The following MALT1 variants were observed in gnomAD, a reference collection of about 807,000 sequenced individuals.
MALT1 encodes the protein mucosa-associated lymphoid tissue lymphoma translocation protein 1.
In MALT1, 36 loss-of-function variants were observed where a neutral mutation model predicts 85.5. The observed-to-expected ratio is 0.42, with a 90% CI of 0.32 to 0.56. MALT1 has a LOEUF of 0.56. MALT1 is among the 20% of genes least tolerant of loss of function. The pLI is 0.10. For missense variants in MALT1, 716 were observed against 981.6 expected (o/e 0.73, Z 3.62); for synonymous variants, 359 against 361.3 (o/e 0.99, Z 0.07).
At chr18:58,737,862 C>G (rs1244562821) in intron 13 of MALT1, among the ~76,000 whole-genome samples, 1 of 152,186 alleles carries the variant, frequency 6.6e-6, no homozygotes, top group Non-Finnish European at 1.5e-5. Flanking sequence ...GGATTACAGA[C>G]GTGAGCCACC....
intron 7 of MALT1, among the ~76,000 whole-genome samples, chr18:58,712,571 G>A (rs2054845154): frequency 6.6e-6 from 1 of 152,134 alleles, no homozygotes. Flanking sequence ...GAGGTTGGTT[G>A]ATAAGTACAG....
At chr18:58,687,003 C>T (rs2054414546) in intron 2 of MALT1, among the ~76,000 whole-genome samples, 1 of 152,150 alleles carries the variant, frequency 6.6e-6, no homozygotes, top group South Asian at 2.1e-4. Flanking sequence ...AATACCATTT[C>T]CATAATGCTA....
intron 16 of MALT1, among the ~76,000 whole-genome samples, chr18:58,747,067 A>G (rs1327205628): frequency 6.6e-6 from 1 of 152,200 alleles, no homozygotes; most frequent in Non-Finnish European, 1.5e-5. Flanking sequence ...CCCATCTCTA[A>G]TAATAGGGAA....
At position 58,696,337 on chromosome 18, in the gene MALT1, ATTTTTTTTT is replaced by A; in HGVS notation, c.377-11_377-3del. 7 of 990,740 alleles carry A rather than the reference ATTTTTTTTT, an allele frequency of 7.1e-6. No homozygotes were observed. Among genetic ancestry groups the A allele is most frequent in the Non-Finnish European group, 9.1e-6 (7 of 769,240 alleles). The allele number at this position is 990,740 out of a possible 1,614,324, so 61.4% of individuals were successfully genotyped here. The stretch of plus-strand genomic sequence containing the variant: ...AAGGAAAATCCCTCTTGTGACTTTA[ATTTTTTTTT>A]TTTTTTTTTTTTTTTTTAGGAATAA... On this transcript the variant is annotated intron_variant, in intron 2 of 16. Coordinates refer to ENST00000649217, the MANE Select transcript of MALT1 (RefSeq NM_006785.4).
chr18:58,693,005 G>A (rs762303447), intron 2 of MALT1, among the ~76,000 whole-genome samples: 3 of 152,134 alleles, frequency 2.0e-5, no homozygotes, highest in Non-Finnish European at 2.9e-5. Context: ...AGGAAGCTGC[G>A]GAAGAAAAGT....
chr18:58,707,616 C>T (rs957731527), intron 4 of MALT1, among the ~76,000 whole-genome samples: 3 of 151,950 alleles, frequency 2.0e-5, no homozygotes, highest in Non-Finnish European at 4.4e-5. Flanking sequence ...CTTTCTTCTT[C>T]GTAAGTCTCA....
At chr18:58,732,771 T>A (rs1353286854) in intron 10 of MALT1, among the ~76,000 whole-genome samples, 1 of 124,550 alleles carries the variant, frequency 8.0e-6, no homozygotes, top group African/African-American at 4.1e-5. Flanking sequence ...GCATTCTTTT[T>A]TATATATCAT....
intron 4 of MALT1, among the ~76,000 whole-genome samples, chr18:58,707,290 G>A (rs1239700116): frequency 6.6e-6 from 1 of 150,400 alleles, no homozygotes; most frequent in Non-Finnish European, 1.5e-5. Flanking sequence ...CCTTTAAGAT[G>A]TTTATCTTCG....
chr18:58,697,413 C>CA (rs1242441810), intron 3 of MALT1: 4 of 152,124 alleles, frequency 2.6e-5, no homozygotes, highest in Admixed American at 6.6e-5. Context: ...AAAAAGATTG[C>CA]ATGTAGCTTT....
intron 4 of MALT1, among the ~76,000 whole-genome samples, 183 bp from the exon 5 acceptor site, chr18:58,709,195 C>CA (rs2054797889): frequency 6.6e-6 from 1 of 152,144 alleles, no homozygotes; most frequent in Admixed American, 6.5e-5. Flanking sequence ...TTGTCCACAG[C>CA]ATTCTTTTGG....
At chr18:58,712,939 G>A (rs543639580) in intron 7 of MALT1, among the ~76,000 whole-genome samples, 2 of 152,158 alleles carry the variant, frequency 1.3e-5, no homozygotes, top group East Asian at 3.9e-4. Flanking sequence ...TCATTTAGGA[G>A]GTCAGAGGAG....
intron 13 of MALT1, among the ~76,000 whole-genome samples, chr18:58,738,013 G>A (rs2055249247): frequency 6.6e-6 from 1 of 152,190 alleles, no homozygotes; most frequent in Non-Finnish European, 1.5e-5. Context: ...ATTATTAGAA[G>A]TGTTGAACAT....
At chr18:58,682,966 C>G (rs1480412525) in intron 2 of MALT1, among the ~76,000 whole-genome samples, 1 of 152,164 alleles carries the variant, frequency 6.6e-6, no homozygotes, top group Non-Finnish European at 1.5e-5. Context: ...GTGGGAATAA[C>G]TAGCTGCTAA....
At chr18:58,689,223 C>T (rs905242643) in intron 2 of MALT1, among the ~76,000 whole-genome samples, 1 of 149,828 alleles carries the variant, frequency 6.7e-6, no homozygotes, top group Admixed American at 6.6e-5. Flanking sequence ...GCAAGAAAAC[C>T]TAGGTTTGCA....
intron 9 of MALT1, among the ~76,000 whole-genome samples, chr18:58,719,214 C>G (rs1270724433): frequency 7.9e-5 from 12 of 152,162 alleles, no homozygotes; most frequent in Admixed American, 3.3e-4. Flanking sequence ...CAACTGCAGT[C>G]AGATGAGGCT....
Position 58,748,273 on chromosome 18 carries a change from A to G in MALT1, c.*431A>G, listed in dbSNP as rs572072695. The G allele has an allele frequency of 4.4e-6, 1 of 226,134 alleles. No individual in the cohort carries two copies. The highest frequency in any genetic ancestry group is 2.2e-5 in the African/African-American group (1 of 44,556). 14.0% of individuals were successfully genotyped at this position (226,134 alleles called of 1,614,324 possible). On this transcript the variant is annotated 3_prime_UTR_variant, in exon 17 of 17. Coordinates refer to ENST00000649217, the MANE Select transcript of MALT1 (RefSeq NM_006785.4). The stretch of plus-strand genomic sequence containing the variant: ...AGGCATCTAAGTTAGAGCTGGCACC[A>G]GAACTGAGACCTCCAGAAATCTATT...
At chr18:58,723,001 T>C in intron 9 of MALT1, 47 bp from the exon 10 acceptor site, 1 of 1,399,598 alleles carries the variant, frequency 7.1e-7, no homozygotes, top group South Asian at 1.2e-5. Flanking sequence ...GGTTTTGTTT[T>C]AATCTTTATA....
At chr18:58,678,998 T>G (rs1322322797) in intron 1 of MALT1, among the ~76,000 whole-genome samples, 1 of 152,206 alleles carries the variant, frequency 6.6e-6, no homozygotes, top group Non-Finnish European at 1.5e-5. Flanking sequence ...TCTAAACACT[T>G]TGGTTGGCTG....
intron 2 of MALT1, among the ~76,000 whole-genome samples, chr18:58,684,242 C>G (rs546342583): frequency 6.6e-6 from 1 of 152,050 alleles, no homozygotes; most frequent in Non-Finnish European, 1.5e-5. Flanking sequence ...TCTGTGTTAC[C>G]ACTTGTGCAC....
Sources: allele counts gnomAD v4.1 joint callset (sites outside exome capture counted in the v4.1 genomes callset), GRCh38; gene constraint gnomAD v4.1.1; transcripts MANE v1.5; gene names NCBI Gene and HGNC (gene_info 2026-07-23, HGNC 2026-07-21).